The following LRIF1 variants were observed in gnomAD, a reference collection of about 807,000 sequenced individuals.
LRIF1 encodes the protein ligand dependent nuclear receptor interacting factor 1.
LRIF1 carries 32 observed loss-of-function variants against 52.7 expected under a neutral mutation model. The ratio of observed to expected loss-of-function variants is 0.61; its 90% CI spans 0.46 to 0.82. The LOEUF (loss-of-function observed/expected upper bound fraction) is 0.82, where lower values mean the gene tolerates loss of function less well. LRIF1 is among the 40% of genes least tolerant of loss of function. The pLI, the probability that LRIF1 is intolerant of heterozygous loss-of-function variation, is 0.00. For synonymous variants in LRIF1, 323 were observed against 317.4 expected (o/e 1.02, Z -0.19); for missense variants, 887 against 892.0 (o/e 0.99, Z 0.07).
At chr1:110,953,607 A>ACT (rs1175312827) in intron 1 of LRIF1, among the ~76,000 whole-genome samples, 10 of 152,186 alleles carry the variant, frequency 6.6e-5, no homozygotes, top group African/African-American at 2.4e-4. Context: ...TTCTTAGTAT[A>ACT]GACTGTCTAA....
chr1:110,935,315 T>C, the LRIF1 span, among the ~76,000 whole-genome samples: 1 of 152,104 alleles, frequency 6.6e-6, no homozygotes, highest in East Asian at 1.9e-4. Context: ...ATGCAGGAAA[T>C]CATGACCTCA....
chr1:110,901,230 T>A, the LRIF1 span, among the ~76,000 whole-genome samples: 2 of 152,044 alleles, frequency 1.3e-5, no homozygotes, highest in Non-Finnish European at 2.9e-5. Flanking sequence ...CAGGCTGGAG[T>A]ACAGTGGTGC....
At chr1:110,903,906 A>C in the LRIF1 span, among the ~76,000 whole-genome samples, 1 of 152,212 alleles carries the variant, frequency 6.6e-6, no homozygotes, top group African/African-American at 2.4e-5. Context: ...ACTGCCCTGA[A>C]GGGTGAGTCC....
chr1:110,939,281 G>A, the LRIF1 span: 1 of 150,908 alleles, frequency 6.6e-6, no homozygotes, highest in Admixed American at 6.6e-5. Flanking sequence ...GGGAGGCTGA[G>A]GCAGGAGAAT....
At chr1:110,886,869 A>ATTTTTT in the LRIF1 span, among the ~76,000 whole-genome samples, 648 of 82,744 alleles carry the variant, frequency 7.8e-3, 7 homozygotes, top group African/African-American at 0.025. Flanking sequence ...ATATATATAT[A>ATTTTTT]TTTTTTTTTT....
the LRIF1 span, among the ~76,000 whole-genome samples, chr1:110,911,010 A>C: frequency 6.6e-6 from 1 of 152,200 alleles, no homozygotes; most frequent in Non-Finnish European, 1.5e-5. Context: ...ATCAGAGCTG[A>C]GGTAAATGAA....
chr1:110,954,479 C>T (rs1164104338), intron 1 of LRIF1, among the ~76,000 whole-genome samples: 1 of 152,048 alleles, frequency 6.6e-6, no homozygotes, highest in Non-Finnish European at 1.5e-5. Context: ...CAAAGTTTTG[C>T]TATGTTGTCC....
the LRIF1 span, among the ~76,000 whole-genome samples, chr1:110,895,723 A>G: frequency 8.5e-5 from 13 of 152,198 alleles, no homozygotes; most frequent in Non-Finnish European, 1.5e-4. Flanking sequence ...AATTCAGTTT[A>G]GAAAACTTTT....
the LRIF1 span, among the ~76,000 whole-genome samples, chr1:110,912,037 C>T: frequency 6.6e-6 from 1 of 152,008 alleles, no homozygotes; most frequent in African/African-American, 2.4e-5. Context: ...TAAAAGACAC[C>T]CAACTGGAAA....
the LRIF1 span, chr1:110,937,142 A>T: frequency 2.0e-5 from 3 of 152,272 alleles, no homozygotes; most frequent in Non-Finnish European, 4.4e-5. Context: ...GGAGACTTGA[A>T]CACCCAATAT....
chr1:110,891,414 C>T, the LRIF1 span: 1 of 1,612,742 alleles, frequency 6.2e-7, no homozygotes, highest in African/African-American at 1.3e-5. Context: ...ACGGCATGGG[C>T]ATGAGTAGCT....
At chr1:110,953,006 T>C (rs373589493) in intron 1 of LRIF1, 191 bp from the exon 2 acceptor site, 1 of 256,818 alleles carries the variant, frequency 3.9e-6, no homozygotes, top group Non-Finnish European at 7.1e-6. Context: ...CAACTGCTTA[T>C]ATGATTAGGC....
chr1:110,931,017 G>A, the LRIF1 span, among the ~76,000 whole-genome samples: 1 of 151,784 alleles, frequency 6.6e-6, no homozygotes, highest in Non-Finnish European at 1.5e-5. Flanking sequence ...TAAGTTCTAG[G>A]GTACATGTGC....
At chr1:110,899,117 T>A in the LRIF1 span, 1 of 1,612,164 alleles carries the variant, frequency 6.2e-7, no homozygotes, top group East Asian at 2.2e-5. Flanking sequence ...CCCAACTCTT[T>A]TCACAGGTGT....
the LRIF1 span, among the ~76,000 whole-genome samples, chr1:110,876,655 A>T: frequency 6.6e-6 from 1 of 152,066 alleles, no homozygotes; most frequent in African/African-American, 2.4e-5. Flanking sequence ...GAATTATTCC[A>T]TAGTTTAGTC....
At chr1:110,910,783 T>C in the LRIF1 span, among the ~76,000 whole-genome samples, 1 of 152,072 alleles carries the variant, frequency 6.6e-6, no homozygotes, top group African/African-American at 2.4e-5. Context: ...AGGCAAAAAT[T>C]GAAAAAGTTC....
chr1:110,942,869 A>G (rs897070860), downstream of LRIF1, among the ~76,000 whole-genome samples: 6 of 152,136 alleles, frequency 3.9e-5, no homozygotes, highest in African/African-American at 1.4e-4. Context: ...AATTGGATAT[A>G]CAATTTTGGA....
chr1:110,956,751 A>G (rs1283577512), intron 1 of LRIF1, among the ~76,000 whole-genome samples: 1 of 152,204 alleles, frequency 6.6e-6, no homozygotes, highest in Non-Finnish European at 1.5e-5. Context: ...ACATGAGGGA[A>G]GATGGTGAGC....
the LRIF1 span, chr1:110,891,595 C>A: frequency 1.4e-6 from 1 of 726,600 alleles, no homozygotes; most frequent in Non-Finnish European, 2.4e-6. Context: ...TCCAGCACAA[C>A]CATCCTAGAA....
Sources: gnomAD v4.1 joint callset for allele counts (sites outside exome capture counted in the v4.1 genomes callset) on GRCh38, gnomAD v4.1.1 for gene constraint, MANE v1.5 for transcripts, NCBI Gene and HGNC (gene_info 2026-07-23, HGNC 2026-07-21) for gene names.